Variants in SASH1 observed in about 807,000 individuals in gnomAD.
The protein encoded by SASH1 is SAM and SH3 domain-containing protein 1.
Under a neutral mutation model 125.2 loss-of-function variants are expected in SASH1, and 44 were observed. The ratio of observed to expected loss-of-function variants is 0.35; its 90% CI spans 0.28 to 0.45. The LOEUF (loss-of-function observed/expected upper bound fraction) is 0.45. SASH1 is among the 20% of genes least tolerant of loss of function. SASH1 has a pLI of 1.00. For synonymous variants in SASH1, 639 were observed against 649.1 expected, an observed-to-expected ratio of 0.98 and a Z score of 0.24; for missense variants, 1,426 against 1,614.5, an observed-to-expected ratio of 0.88 and a Z score of 2.00.
chr6:148,380,471 C>G (rs1234967689), intron 1 of SASH1, among the ~76,000 whole-genome samples: 5 of 152,210 alleles, frequency 3.3e-5, no homozygotes, highest in Non-Finnish European at 5.9e-5. Flanking sequence ...CAGTGTGATT[C>G]ATGCTCATCA....
At chr6:148,526,353 G>A (rs757911859) in intron 11 of SASH1, among the ~76,000 whole-genome samples, 26 of 152,110 alleles carry the variant, frequency 1.7e-4, no homozygotes, top group Middle Eastern at 3.4e-3. Flanking sequence ...TGAGCCACGC[G>A]CCCGGCCTTT....
At chr6:148,203,506 T>A in the SASH1 span, among the ~76,000 whole-genome samples, 1 of 152,264 alleles carries the variant, frequency 6.6e-6, no homozygotes, top group East Asian at 1.9e-4. Flanking sequence ...GCAGGTAATT[T>A]TTGCATATAC....
At position 148,549,470 on chromosome 6, in the gene SASH1, T is replaced by G; in HGVS notation, c.*912T>G. 5.0e-6 allele frequency: 2 copies of G among 396,158 alleles called. No individual in the cohort carries two copies. The allele number at this position is 396,158 out of a possible 1,614,324, so 24.5% of individuals were successfully genotyped here. On this transcript the variant is annotated 3_prime_UTR_variant, in exon 20 of 20. Transcript: ENST00000367467. ...TGACTGCTTTTGGTTTTAACCAGTT[T>G]AGTATCGTTACTGTGTGGATCGTCG...
intron 2 of SASH1, among the ~76,000 whole-genome samples, chr6:148,429,385 T>TAAAAAAAAAA (rs61460366): frequency 5.4e-5 from 4 of 73,938 alleles, no homozygotes; most frequent in East Asian, 4.3e-4. Context: ...CCCTGTCTCT[T>TAAAAAAAAAA]AAAAAAAAAA....
chr6:148,542,851 AGT>A (rs56094441), intron 17 of SASH1, among the ~76,000 whole-genome samples: 61,038 of 149,016 alleles, frequency 0.41, 12,575 homozygotes, highest in South Asian at 0.54. Flanking sequence ...AACAAGGGAC[AGT>A]GTGTGTGTGT....
chr6:148,477,036 C>G (rs771298277), intron 7 of SASH1, among the ~76,000 whole-genome samples: 1 of 152,178 alleles, frequency 6.6e-6, no homozygotes, highest in Non-Finnish European at 1.5e-5. Flanking sequence ...AACTAGACCC[C>G]TCTCTCTTGC....
chr6:148,534,067 A>G, intron 15 of SASH1, 87 bp downstream of exon 15: 2 of 1,209,842 alleles, frequency 1.7e-6, no homozygotes, highest in Non-Finnish European at 1.2e-6. Flanking sequence ...TTTTTAGGGT[A>G]GGGTTGGGGC....
At chr6:148,447,921 C>T (rs62432300) in intron 4 of SASH1, among the ~76,000 whole-genome samples, 164 of 152,224 alleles carry the variant, frequency 1.1e-3, no homozygotes, top group African/African-American at 3.6e-3. Flanking sequence ...GATACTCTGT[C>T]TCCCACTCTC....
chr6:148,485,764 T>C (rs149651292), intron 7 of SASH1, among the ~76,000 whole-genome samples: 1 of 152,312 alleles, frequency 6.6e-6, no homozygotes, highest in East Asian at 1.9e-4. Context: ...CCTGGAGCAA[T>C]AACTGTCATT....
At chr6:148,387,690 T>TTCTC in intron 1 of SASH1, among the ~76,000 whole-genome samples, 1 of 130,628 alleles carries the variant, frequency 7.7e-6, no homozygotes, top group Non-Finnish European at 1.6e-5. Context: ...CTTTCTTTCT[T>TTCTC]TCGGCATCCT....
chr6:148,249,526 C>G, the SASH1 span, among the ~76,000 whole-genome samples: 1 of 152,182 alleles, frequency 6.6e-6, no homozygotes, highest in Non-Finnish European at 1.5e-5. Flanking sequence ...AGCTTTCGGT[C>G]TAGACAGATA....
chr6:148,540,425 C>T lies in SASH1; in HGVS notation c.2096-18C>T. 1 of 1,596,600 alleles carries T rather than the reference C, an allele frequency of 6.3e-7. No individual in the cohort carries two copies. Among genetic ancestry groups the T allele is most frequent in the Non-Finnish European group, 8.6e-7 (1 of 1,164,876 alleles). On this transcript the variant is annotated intron_variant, in intron 16 of 19. Coordinates refer to ENST00000367467, the MANE Select transcript of SASH1 (RefSeq NM_015278.5). ...TTTCACTCACCTTGTTGATTTCATG[C>T]CGTGTTCTCTCCTCTAGGTAACAGC... is the stretch of plus-strand genomic sequence containing the variant.
chr6:148,390,322 C>G, intron 2 of SASH1, 60 bp downstream of exon 2: 5 of 1,547,462 alleles, frequency 3.2e-6, no homozygotes, highest in Non-Finnish European at 4.4e-6. Flanking sequence ...TTGGGCTTTT[C>G]CTTGGTCTTT....
At position 148,532,750 on chromosome 6, in the gene SASH1, G is replaced by A. The variant is rs2294785; in HGVS notation, c.1565-47G>A. The A allele has an allele frequency of 1.1e-4, 171 of 1,604,260 alleles. 1 individual carries two copies. The East Asian group carries it at 3.2e-3, about 30-fold the overall frequency. On this transcript the variant is annotated intron_variant, in intron 13 of 19. Transcript: ENST00000367467. The surrounding 1 kb of genome is among the most constrained non-coding windows in gnomAD (Gnocchi z 4.7). ...CTTCAATACCTTTCTGCTTTGCTGG[G>A]TGGGAAATCTGGATCTACCCGTGTT...
intron 2 of SASH1, among the ~76,000 whole-genome samples, chr6:148,396,543 T>C (rs1041595342): frequency 6.7e-6 from 1 of 150,366 alleles, no homozygotes; most frequent in African/African-American, 2.5e-5. Context: ...AGGAATGACT[T>C]ATCATTCCTT....
At chr6:148,195,362 C>T in the SASH1 span, among the ~76,000 whole-genome samples, 4 of 152,324 alleles carry the variant, frequency 2.6e-5, no homozygotes, top group African/African-American at 9.6e-5. Context: ...CCTATGGGGA[C>T]TGGGCAGAGG....
intron 1 of SASH1, among the ~76,000 whole-genome samples, chr6:148,282,784 G>T (rs574342292): frequency 6.6e-6 from 1 of 152,204 alleles, no homozygotes; most frequent in Admixed American, 6.5e-5. Flanking sequence ...AGAATTGGGG[G>T]CTAGAGGCAG....
At chr6:148,199,147 C>A in the SASH1 span, among the ~76,000 whole-genome samples, 1 of 152,142 alleles carries the variant, frequency 6.6e-6, no homozygotes, top group South Asian at 2.1e-4. Context: ...TTTGAGAGGC[C>A]AAGGCAGGCG....
chr6:148,226,513 A>C, the SASH1 span, among the ~76,000 whole-genome samples: 1 of 152,186 alleles, frequency 6.6e-6, no homozygotes, highest in African/African-American at 2.4e-5. Context: ...TGGTAATAGA[A>C]AACTCAGCTC....
Sources: allele counts gnomAD v4.1 joint callset (sites outside exome capture counted in the v4.1 genomes callset), GRCh38; gene constraint gnomAD v4.1.1; non-coding constraint Gnocchi (gnomAD v3.1); transcripts MANE v1.5; gene names NCBI Gene and HGNC (gene_info 2026-07-23, HGNC 2026-07-21).